DGKG: variants seen among roughly 807,000 people sequenced by gnomAD.
DGKG encodes the protein diacylglycerol kinase gamma.
In DGKG, 78 loss-of-function variants were observed where a neutral mutation model predicts 105.3. The ratio of observed to expected loss-of-function variants is 0.74; its 90% CI spans 0.62 to 0.89. The LOEUF is 0.89. Among genes scored for constraint, DGKG ranks in the 40% least tolerant of loss-of-function variants. The pLI, the probability that DGKG is intolerant of heterozygous loss-of-function variation, is 0.00. For synonymous variants in DGKG, 346 were observed against 367.1 expected, an observed-to-expected ratio of 0.94 and a Z score of 0.66; for missense variants, 958 against 1,020.1, an observed-to-expected ratio of 0.94 and a Z score of 0.83.
intron 2 of DGKG, among the ~76,000 whole-genome samples, chr3:186,318,727 C>T (rs905298621): frequency 6.6e-6 from 1 of 152,150 alleles, no homozygotes; most frequent in Admixed American, 6.5e-5. Context: ...GGGATGGATC[C>T]CTTCTCCACA....
Position 186,320,527 on chromosome 3 carries a change from C to T in DGKG, c.-68G>A, listed in dbSNP as rs572438737. On this transcript the variant is annotated 5_prime_UTR_variant, in exon 2 of 25. An upstream open reading frame in the 5' UTR gains an earlier in-frame stop. Transcript: ENST00000265022. ...TTGTTCACTAGGCTGAAGTGGAGGC[C>T]CAGCCCAGGGCCTGGCTCATTGCAG... The T allele has an allele frequency of 7.4e-6, 12 of 1,612,784 alleles. No homozygotes were observed. The highest frequency in any genetic ancestry group is 1.0e-5 in the Non-Finnish European group (12 of 1,179,304).
intron 20 of DGKG, among the ~76,000 whole-genome samples, chr3:186,229,728 T>C (rs1720050053): frequency 6.6e-6 from 1 of 152,208 alleles, no homozygotes; most frequent in Non-Finnish European, 1.5e-5. Flanking sequence ...CCATCGTTCC[T>C]CTCAGACCTA....
At chr3:186,309,444 C>T (rs909232505) in intron 2 of DGKG, among the ~76,000 whole-genome samples, 1 of 152,112 alleles carries the variant, frequency 6.6e-6, no homozygotes, top group Non-Finnish European at 1.5e-5. Context: ...ATAACCAGCT[C>T]TCTGTTTTCT....
At chr3:186,204,435 T>A (rs374160669) in intron 21 of DGKG, among the ~76,000 whole-genome samples, 1 of 152,148 alleles carries the variant, frequency 6.6e-6, no homozygotes, top group African/African-American at 2.4e-5. Context: ...TGGCGCTGGT[T>A]TAGATTGGAA....
At chr3:186,268,968 CG>C in intron 11 of DGKG, 51 bp from the exon 12 acceptor site, 3 of 1,355,476 alleles carry the variant, frequency 2.2e-6, no homozygotes, top group Non-Finnish European at 2.1e-6. Context: ...ACCATGTCCC[CG>C]GGGCCCTGGG....
intron 1 of DGKG, among the ~76,000 whole-genome samples, chr3:186,335,315 T>C (rs147279813): frequency 2.1e-4 from 32 of 152,336 alleles, no homozygotes; most frequent in African/African-American, 7.5e-4. Context: ...AACCTTGTGA[T>C]CTGCCTGCCT....
chr3:186,259,887 C>A (rs1315238002), intron 16 of DGKG, among the ~76,000 whole-genome samples: 1 of 152,136 alleles, frequency 6.6e-6, no homozygotes, highest in Non-Finnish European at 1.5e-5. Context: ...AAGAGAATAG[C>A]CAATGAGTAA....
intron 2 of DGKG, among the ~76,000 whole-genome samples, chr3:186,314,279 G>T (rs1236640412): frequency 6.6e-6 from 1 of 151,146 alleles, no homozygotes; most frequent in Non-Finnish European, 1.5e-5. Flanking sequence ...TTAATTTGTT[G>T]TTGCTGAATT....
At chr3:186,305,849 T>C (rs1219136039) in intron 3 of DGKG, among the ~76,000 whole-genome samples, 2 of 152,082 alleles carry the variant, frequency 1.3e-5, no homozygotes, top group African/African-American at 4.8e-5. Flanking sequence ...ACTTGAAGGG[T>C]AGAGTTGTCA....
intron 5 of DGKG, 82 bp from the exon 6 acceptor site, chr3:186,288,962 A>G: frequency 7.3e-7 from 1 of 1,373,676 alleles, no homozygotes; most frequent in Non-Finnish European, 9.9e-7. Flanking sequence ...CATCCTTTTC[A>G]TGGTAGAGGC....
chr3:186,161,212 A>T, intron 24 of DGKG: 1 of 995,524 alleles, frequency 1.0e-6, no homozygotes, highest in Non-Finnish European at 1.2e-6. Flanking sequence ...CTTCCACGTA[A>T]GGAAGCAATT....
At chr3:186,266,486 G>C (rs1478315900) in intron 13 of DGKG, among the ~76,000 whole-genome samples, 1 of 152,178 alleles carries the variant, frequency 6.6e-6, no homozygotes. Context: ...ATAAATGCTT[G>C]TATTTTCCAG....
At position 186,320,548 on chromosome 3, in the gene DGKG, T is replaced by C. The variant is rs1725029809; in HGVS notation, c.-89A>G. 1.9e-6 allele frequency: 3 copies of C among 1,605,100 alleles called. No individual in the cohort carries two copies. Among genetic ancestry groups the C allele is most frequent in the South Asian group, 2.2e-5 (2 of 89,932 alleles). On this transcript the variant is annotated 5_prime_UTR_variant, in exon 2 of 25. Transcript: ENST00000265022. Reference sequence around the variant, plus strand: ...AGGCCCAGCCCAGGGCCTGGCTCATTGCAGGTTTGCGATGTAAGCCTTTCA... The same window carrying C: ...AGGCCCAGCCCAGGGCCTGGCTCATCGCAGGTTTGCGATGTAAGCCTTTCA...
chr3:186,319,231 G>A (rs1356051608), intron 2 of DGKG, among the ~76,000 whole-genome samples: 1 of 152,174 alleles, frequency 6.6e-6, no homozygotes, highest in Non-Finnish European at 1.5e-5. Flanking sequence ...GTCCCCTGTT[G>A]ACCTCGGAGA....
rs56331660 is a variant in DGKG, at chr3:186,299,767, CTCTTTCTTTCTTTCTT to C, written c.145-1554_145-1539del. Among the ~76,000 whole-genome samples, 192 of 95,550 alleles carry C rather than the reference CTCTTTCTTTCTTTCTT, an allele frequency of 2.0e-3. 3 individuals carry two copies. The highest frequency in any genetic ancestry group is 0.012 in the East Asian group (33 of 2,868). 62.7% of individuals were successfully genotyped at this position (95,550 alleles called of 152,430 possible). Reference sequence around the variant, plus strand: ...CTCTCTTTTCTTTTTTTCTTCTTTTCTCTTTCTTTCTTTCTTTCTTTCTTTCTTTCTTTCTTTCTTT... The same window carrying C: ...CTCTCTTTTCTTTTTTTCTTCTTTTCTCTTTCTTTCTTTCTTTCTTTCTTT... On this transcript the variant is annotated intron_variant, in intron 3 of 24. Coordinates refer to ENST00000265022, the MANE Select transcript of DGKG (RefSeq NM_001346.3).
intron 1 of DGKG, among the ~76,000 whole-genome samples, chr3:186,354,507 C>A (rs1726811868): frequency 6.6e-6 from 1 of 152,222 alleles, no homozygotes. Flanking sequence ...AAATGATTAA[C>A]TGGGCAGGCA....
At chr3:186,298,535 G>A (rs572252965) in intron 3 of DGKG, among the ~76,000 whole-genome samples, 1 of 152,302 alleles carries the variant, frequency 6.6e-6, no homozygotes, top group South Asian at 2.1e-4. Context: ...AGATAAAAAG[G>A]GACATGTTGG....
chr3:186,193,597 G>C (rs970237936), intron 21 of DGKG, among the ~76,000 whole-genome samples: 2 of 152,236 alleles, frequency 1.3e-5, no homozygotes, highest in African/African-American at 4.8e-5. Context: ...CTGGCCTCGC[G>C]ATCGTGCACT....
chr3:186,321,614 A>T (rs1488284863), intron 1 of DGKG, among the ~76,000 whole-genome samples: 3 of 152,250 alleles, frequency 2.0e-5, no homozygotes, highest in Non-Finnish European at 2.9e-5. Context: ...TTAACAAAAC[A>T]GGATCCATCC....
Sources: allele counts gnomAD v4.1 joint callset (sites outside exome capture counted in the v4.1 genomes callset), GRCh38; gene constraint gnomAD v4.1.1; transcripts MANE v1.5; gene names NCBI Gene and HGNC (gene_info 2026-07-23, HGNC 2026-07-21).